ATP2C2: variants seen among roughly 807,000 people sequenced by gnomAD.
ATP2C2 encodes ATPase secretory pathway Ca2+ transporting 2.
A neutral mutation model predicts 110.8 loss-of-function variants in ATP2C2; 171 were observed. The observed-to-expected ratio is 1.54, with a 90% confidence interval of 1.36 to 1.75. ATP2C2 has a LOEUF of 1.75. Ranked by LOEUF, ATP2C2 falls within the 40% of genes most tolerant of loss-of-function variation. The pLI is 0.00. For missense variants in ATP2C2, 1,963 were observed against 1,235.0 expected (o/e 1.59, Z -8.84); for synonymous variants, 804 against 508.4 (o/e 1.58, Z -7.82).
At chr16:84,460,555 T>C (rs1460449449) in intron 23 of ATP2C2, 99 bp from the exon 24 acceptor site, 1 of 1,554,076 alleles carries the variant, frequency 6.4e-7, no homozygotes, top group East Asian at 2.2e-5. Context: ...CCCTGCCCCC[T>C]GTGCCAACTT....
chr16:84,431,086 C>A (rs1908238235), intron 11 of ATP2C2, among the ~76,000 whole-genome samples: 1 of 152,094 alleles, frequency 6.6e-6, no homozygotes. Context: ...TCTCTGCCCT[C>A]CTGGAGTTTT....
intron 1 of ATP2C2, among the ~76,000 whole-genome samples, chr16:84,393,878 A>C (rs928314897): frequency 6.6e-6 from 1 of 151,998 alleles, no homozygotes; most frequent in Non-Finnish European, 1.5e-5. Context: ...CAAAAAGGCT[A>C]GGCATGGTGG....
intron 20 of ATP2C2, 128 bp downstream of exon 20, chr16:84,453,499 G>A: frequency 1.6e-6 from 2 of 1,282,822 alleles, no homozygotes; most frequent in South Asian, 1.2e-5. Flanking sequence ...TCTAGGTCCA[G>A]GGCAGCTGCC....
At position 84,440,962 on chromosome 16, in the gene ATP2C2, G is replaced by A. The variant is rs757603389; in HGVS notation, c.1311+4G>A. 2 of 1,605,614 alleles carry A rather than the reference G, an allele frequency of 1.2e-6. No individual in the cohort carries two copies. Among genetic ancestry groups the A allele is most frequent in the Non-Finnish European group, 8.5e-7 (1 of 1,174,182 alleles). On this transcript the variant is annotated splice_donor_region_variant and intron_variant, in intron 14 of 26. Transcript: ENST00000262429. ...CTCAGTGGGAAAGTTAGTGGAGGTAGGTGTCAAAAGCGCCATGAGGGAAAT... is the reference window on the plus strand; with the variant it reads ...CTCAGTGGGAAAGTTAGTGGAGGTAAGTGTCAAAAGCGCCATGAGGGAAAT...
Position 84,452,089 on chromosome 16 carries a change from T to C in ATP2C2, c.1829T>C (p.Ile610Thr), listed in dbSNP as rs781361405. ...TGDALETALAIGRNIGLCNGK... is the reference protein window; with the variant it reads ...TGDALETALATGRNIGLCNGK... ...GATGCCCTGGAGACGGCCTTGGCCA[T>C]AGGTAACTGGGACAGGGTCGGGGGT... The change falls in exon 18 of 27, where the codon ATA becomes ACA. Residue 610 changes from isoleucine to threonine, a missense_variant and splice_region_variant. Transcript: ENST00000262429. The C allele has an allele frequency of 3.1e-6, 5 of 1,613,748 alleles. No homozygotes were observed. Among genetic ancestry groups the C allele is most frequent in the African/African-American group, 2.7e-5 (2 of 74,826 alleles).
At chr16:84,452,152 G>C in intron 18 of ATP2C2, 61 bp downstream of exon 18, 2 of 1,591,112 alleles carry the variant, frequency 1.3e-6, no homozygotes, top group South Asian at 1.1e-5. Flanking sequence ...ACGATGGGGG[G>C]CTGCTACCAA....
At position 84,462,082 on chromosome 16, in the gene ATP2C2, TC is replaced by T; in HGVS notation, c.2681del (p.Pro894ArgfsTer19). ...SILGQLAVIY[I>X]PPLQRVFQTE... ...CTGGGGCAGCTGGCGGTCATTTACA[TC>T]CCCCCGCTGCAGAGGGTCTTCCAGA... On this transcript the variant is annotated frameshift_variant, in exon 26 of 27. Transcript: ENST00000262429. LOFTEE classifies it low-confidence loss of function (END_TRUNC). The T allele has an allele frequency of 1.2e-6, 2 of 1,613,738 alleles. No individual in the cohort carries two copies. Among genetic ancestry groups the T allele is most frequent in the Middle Eastern group, 1.7e-4 (1 of 6,058 alleles).
chr16:84,429,141 TTTTTTTG>T (rs1428994240), intron 11 of ATP2C2, among the ~76,000 whole-genome samples: 6 of 71,824 alleles, frequency 8.4e-5, no homozygotes, highest in Non-Finnish European at 1.7e-4. Context: ...ATGGCGTTGT[TTTTTTTG>T]TTTGTTTGTT....
intron 15 of ATP2C2, among the ~76,000 whole-genome samples, chr16:84,444,333 C>T (rs1022688696): frequency 1.3e-5 from 2 of 151,884 alleles, no homozygotes; most frequent in Non-Finnish European, 2.9e-5. Context: ...ATTAGCTGGG[C>T]ATGGTGGTGC....
intron 18 of ATP2C2, among the ~76,000 whole-genome samples, chr16:84,452,781 G>A (rs951865396): frequency 3.9e-5 from 6 of 152,138 alleles, no homozygotes; most frequent in Non-Finnish European, 8.8e-5. Flanking sequence ...TTACAGGCAT[G>A]AGCCACTGCG....
In ATP2C2 at chr16:84,431,696, A is replaced by T. The variant is rs1415695838; in HGVS notation, c.986+5895A>T. On this transcript the variant is annotated intron_variant, in intron 11 of 26. Coordinates refer to ENST00000262429, the MANE Select transcript of ATP2C2 (RefSeq NM_014861.4). ...AGCTGAGCTCTGTGAGCAGAATGAG[A>T]TGATGGAGTTGCTTAGATCATGGGG... Among the ~76,000 whole-genome samples, 4 of 152,120 alleles carry T rather than the reference A, an allele frequency of 2.6e-5. No homozygotes were observed. The East Asian group carries it at 7.7e-4, about 29-fold the overall frequency.
intron 15 of ATP2C2, among the ~76,000 whole-genome samples, chr16:84,445,810 A>AT (rs1416931109): frequency 6.6e-6 from 1 of 151,916 alleles, no homozygotes; most frequent in African/African-American, 2.4e-5. Context: ...CCGCATTTTC[A>AT]CCCCCTGTGG....
intron 1 of ATP2C2, among the ~76,000 whole-genome samples, chr16:84,381,669 T>G (rs186530957): frequency 6.9e-4 from 105 of 152,364 alleles, no homozygotes; most frequent in Non-Finnish European, 1.4e-3. Context: ...TTCTGCCCAC[T>G]CCATGCTTCC....
At chr16:84,435,957 C>T (rs1018967699) in intron 11 of ATP2C2, among the ~76,000 whole-genome samples, 26 of 152,328 alleles carry the variant, frequency 1.7e-4, no homozygotes, top group Non-Finnish European at 3.4e-4. Flanking sequence ...GGTGAAACCT[C>T]ATCTCTACTA....
intron 11 of ATP2C2, among the ~76,000 whole-genome samples, chr16:84,428,809 C>G (rs1908009626): frequency 6.6e-6 from 1 of 152,162 alleles, no homozygotes; most frequent in Non-Finnish European, 1.5e-5. Flanking sequence ...AAAAGCTGTA[C>G]TCATAGATAA....
chr16:84,437,136 T>C (rs1181905349), intron 11 of ATP2C2, among the ~76,000 whole-genome samples: 1 of 152,214 alleles, frequency 6.6e-6, no homozygotes, highest in East Asian at 1.9e-4. Context: ...TACAATTTAA[T>C]GGTTTTTAGT....
chr16:84,408,885 A>G (rs1045084892), intron 4 of ATP2C2, among the ~76,000 whole-genome samples: 2 of 152,054 alleles, frequency 1.3e-5, no homozygotes, highest in African/African-American at 2.4e-5. Flanking sequence ...TGAAATTCAC[A>G]TAATAAAATA....
chr16:84,372,350 G>A (rs1910002676), intron 1 of ATP2C2, among the ~76,000 whole-genome samples: 1 of 152,192 alleles, frequency 6.6e-6, no homozygotes, highest in African/African-American at 2.4e-5. Context: ...TTTAACCCAA[G>A]GCTTGCCCAA....
chr16:84,382,722 C>T (rs183519530), intron 1 of ATP2C2, among the ~76,000 whole-genome samples: 8 of 152,204 alleles, frequency 5.3e-5, no homozygotes, highest in African/African-American at 4.8e-5. Flanking sequence ...GGCAAAACCC[C>T]GTCTCTACTA....
Sources: allele counts gnomAD v4.1 joint callset (sites outside exome capture counted in the v4.1 genomes callset), GRCh38; gene constraint gnomAD v4.1.1; transcripts MANE v1.5; gene names NCBI Gene and HGNC (gene_info 2026-07-23, HGNC 2026-07-21).